The following ZFHX3 variants were observed in gnomAD, a reference collection of about 807,000 sequenced individuals.
ZFHX3 encodes the protein zinc finger homeobox 3, also known as zinc finger homeobox protein 3.
In ZFHX3, 42 loss-of-function variants were observed where a neutral mutation model predicts 279.1. That is an observed-to-expected ratio of 0.15 (90% CI 0.12 to 0.19). ZFHX3 has a LOEUF of 0.19. Ranked by LOEUF, ZFHX3 falls within the 10% of genes least tolerant of loss-of-function variation. The pLI, the probability that ZFHX3 is intolerant of heterozygous loss-of-function variation, is 1.00. For missense variants in ZFHX3, 4,981 were observed against 4,754.0 expected, an observed-to-expected ratio of 1.05 and a Z score of -1.40; for synonymous variants, 2,293 against 1,957.8, an observed-to-expected ratio of 1.17 and a Z score of -4.52.
chr16:73,739,657 G>T (rs1373424064), intron 1 of ZFHX3, among the ~76,000 whole-genome samples: 1 of 152,124 alleles, frequency 6.6e-6, no homozygotes, highest in African/African-American at 2.4e-5. Context: ...TCTGTCTATT[G>T]ACTATCAGGG....
chr16:72,918,791 G>A (rs1431542701), intron 3 of ZFHX3, among the ~76,000 whole-genome samples: 2 of 150,772 alleles, frequency 1.3e-5, no homozygotes, highest in African/African-American at 2.4e-5. Flanking sequence ...TGCCTCCCGC[G>A]TTCACACCAT....
intron 4 of ZFHX3, among the ~76,000 whole-genome samples, chr16:73,276,177 CTTTTTTT>C (rs529830146): frequency 7.4e-6 from 1 of 135,072 alleles, no homozygotes; most frequent in Non-Finnish European, 1.6e-5. Context: ...CTTTTTCTTT[CTTTTTTT>C]TTTTTTTTTC....
At chr16:73,562,798 T>A (rs766329530) in intron 2 of ZFHX3, among the ~76,000 whole-genome samples, 4 of 152,140 alleles carry the variant, frequency 2.6e-5, no homozygotes, top group Non-Finnish European at 4.4e-5. Flanking sequence ...TTTAAAAGCC[T>A]TTCTATGAAA....
intron 5 of ZFHX3, among the ~76,000 whole-genome samples, chr16:73,151,968 G>T (rs1966955001): frequency 7.3e-6 from 1 of 137,848 alleles, no homozygotes; most frequent in Non-Finnish European, 1.5e-5. Flanking sequence ...GGGCGGAGAA[G>T]AGAGCTGGGA....
chr16:73,796,762 A>C (rs1960002361), intron 1 of ZFHX3, among the ~76,000 whole-genome samples: 1 of 152,144 alleles, frequency 6.6e-6, no homozygotes, highest in African/African-American at 2.4e-5. Flanking sequence ...CAACGACATA[A>C]AGAGATGGCA....
At chr16:73,654,949 C>CT (rs926057249) in intron 2 of ZFHX3, among the ~76,000 whole-genome samples, 3 of 149,450 alleles carry the variant, frequency 2.0e-5, no homozygotes, top group African/African-American at 7.4e-5. Flanking sequence ...CAACTTCCGC[C>CT]TCCTGGATTC....
chr16:72,860,631 T>C (rs938377479), intron 4 of ZFHX3, among the ~76,000 whole-genome samples: 1 of 152,144 alleles, frequency 6.6e-6, no homozygotes, highest in Non-Finnish European at 1.5e-5. Flanking sequence ...GGTTTCACCA[T>C]GTTGGTCAGG....
chr16:73,731,342 A>T (rs2053568226), intron 1 of ZFHX3, among the ~76,000 whole-genome samples: 1 of 152,064 alleles, frequency 6.6e-6, no homozygotes, highest in African/African-American at 2.4e-5. Context: ...TATGCAAAAA[A>T]CCCACCCTGT....
At position 73,447,167 on chromosome 16, in the gene ZFHX3, C is replaced by G. The variant is rs1436164587; in HGVS notation, c.-1291+8836G>C. Among the ~76,000 whole-genome samples, 16 of 134,228 alleles carry G rather than the reference C, an allele frequency of 1.2e-4. No homozygotes were observed. The Admixed American group carries it at 1.3e-3, about 11-fold the overall frequency. 88.1% of individuals were successfully genotyped at this position (134,228 alleles called of 152,430 possible). ...CTGCACTCCAGCCTGGGCAACAGAG[C>G]AAGACTCCATCTCAAAAAAAAAAAA... is the stretch of plus-strand genomic sequence containing the variant. On this transcript the variant is annotated intron_variant, in intron 3 of 17. Coordinates refer to the ZFHX3 transcript ENST00000641206.
At chr16:73,426,036 C>A (rs572114537) in intron 3 of ZFHX3, among the ~76,000 whole-genome samples, 1 of 152,184 alleles carries the variant, frequency 6.6e-6, no homozygotes, top group Non-Finnish European at 1.5e-5. Flanking sequence ...TTCCAGCCAA[C>A]CCATAGCACT....
intron 8 of ZFHX3, among the ~76,000 whole-genome samples, chr16:73,079,082 C>T: frequency 6.6e-6 from 1 of 152,126 alleles, no homozygotes; most frequent in Non-Finnish European, 1.5e-5. Context: ...TTCTATTCTG[C>T]TGTGATTCCA....
intron 1 of ZFHX3, among the ~76,000 whole-genome samples, chr16:73,021,795 C>T (rs1246065419): frequency 7.1e-6 from 1 of 140,920 alleles, no homozygotes; most frequent in Non-Finnish European, 1.5e-5. Context: ...CATGCCACTG[C>T]ACTCCAGCCT....
chr16:72,970,555 T>C (rs1406730416), intron 1 of ZFHX3, among the ~76,000 whole-genome samples: 1 of 152,128 alleles, frequency 6.6e-6, no homozygotes, highest in African/African-American at 2.4e-5. Flanking sequence ...GAACCTCCTT[T>C]CACCAAATAC....
chr16:73,446,411 G>T (rs2018186132), intron 3 of ZFHX3, among the ~76,000 whole-genome samples: 2 of 152,286 alleles, frequency 1.3e-5, no homozygotes, highest in South Asian at 4.2e-4. Flanking sequence ...GCAGAGTGAA[G>T]CTGGGGAAAG....
intron 2 of ZFHX3, among the ~76,000 whole-genome samples, chr16:73,481,899 C>A (rs571452488): frequency 1.2e-4 from 19 of 152,224 alleles, no homozygotes; most frequent in African/African-American, 4.6e-4. Flanking sequence ...GTTATGTCAG[C>A]CCAGGGAGGG....
chr16:73,284,186 AG>A (rs1278349419), intron 4 of ZFHX3, among the ~76,000 whole-genome samples: 1 of 151,564 alleles, frequency 6.6e-6, no homozygotes, highest in Non-Finnish European at 1.5e-5. Context: ...GCACGGGGGC[AG>A]GCGCCTGTGA....
intron 3 of ZFHX3, among the ~76,000 whole-genome samples, chr16:72,949,977 T>C (rs1438766607): frequency 2.1e-5 from 3 of 141,328 alleles, no homozygotes; most frequent in African/African-American, 7.9e-5. Context: ...ACAGTACCTG[T>C]CATTGAGAAG....
At chr16:73,344,037 T>C (rs1394463580) in intron 3 of ZFHX3, among the ~76,000 whole-genome samples, 1 of 152,222 alleles carries the variant, frequency 6.6e-6, no homozygotes, top group Admixed American at 6.5e-5. Context: ...AGTAGGTGAA[T>C]GTTTGATGAA....
Position 72,889,872 on chromosome 16 carries a change from G to C in ZFHX3, c.3307C>G (p.Leu1103Val), listed in dbSNP as rs372026184. 3.7e-6 allele frequency: 6 copies of C among 1,614,080 alleles called. No homozygotes were observed. The South Asian group carries it at 5.5e-5, about 15-fold the overall frequency. The part of the protein sequence containing the change: ...CNYSTKAKLN[L>V]IQHVRSMKHQ... ...TTCATGGAGCGCACATGCTGGATGAGGTTGAGCTTGGCCTTGGTGGAGTAG... is the reference window on the plus strand; with the variant it reads ...TTCATGGAGCGCACATGCTGGATGACGTTGAGCTTGGCCTTGGTGGAGTAG... Residue 1103 changes from leucine (L) to valine (V), a missense_variant, in exon 4 of 10, where the codon CTC (leucine) becomes GTC (valine). By Grantham distance (32) the Leu-to-Val change is conservative. Transcript: ENST00000268489.
Sources: allele counts gnomAD v4.1 joint callset (sites outside exome capture counted in the v4.1 genomes callset), GRCh38; gene constraint gnomAD v4.1.1; transcripts MANE v1.5; gene names NCBI Gene and HGNC (gene_info 2026-07-23, HGNC 2026-07-21).